Variants in ADAMTSL1 observed in about 807,000 individuals in gnomAD.
ADAMTSL1 encodes the protein ADAMTS-like protein 1.
A neutral mutation model predicts 201.8 loss-of-function variants in ADAMTSL1; 126 were observed. The observed-to-expected ratio is 0.62, with a 90% CI of 0.54 to 0.72. ADAMTSL1 has a LOEUF of 0.72. ADAMTSL1 is among the 30% of genes least tolerant of loss of function. The pLI, the probability that ADAMTSL1 is intolerant of heterozygous loss-of-function variation, is 0.00. For synonymous variants in ADAMTSL1, 1,121 were observed against 903.4 expected (o/e 1.24, Z -4.32); for missense variants, 2,679 against 2,277.8 (o/e 1.18, Z -3.59).
rs184191132 is a variant in ADAMTSL1 at position 18,846,617 on chromosome 9, C to T, written c.4249+16640C>T. 2.5e-3 allele frequency among the ~76,000 whole-genome samples: 386 copies of T among 152,190 alleles called. 2 individuals carry two copies. Among genetic ancestry groups the T allele is most frequent in the African/African-American group, 8.9e-3 (371 of 41,532 alleles). On this transcript the variant is annotated intron_variant, in intron 23 of 28. Coordinates refer to ENST00000380548, the MANE Select transcript of ADAMTSL1 (RefSeq NM_001040272.6). ...CAAGAGAGAGAGGTTGTCTAACTTG[C>T]GTTTTTAAAAGCTTATTCTGACTGG...
At chr9:18,008,201 G>A (rs1819909649) in intron 1 of ADAMTSL1, among the ~76,000 whole-genome samples, 1 of 151,908 alleles carries the variant, frequency 6.6e-6, no homozygotes, top group African/African-American at 2.4e-5. Flanking sequence ...TCAGAAAATA[G>A]GTCTACATGA....
chr9:18,292,865 T>C (rs1437369119), intron 2 of ADAMTSL1, among the ~76,000 whole-genome samples: 1 of 152,212 alleles, frequency 6.6e-6, no homozygotes, highest in Non-Finnish European at 1.5e-5. Flanking sequence ...TAACCTATCA[T>C]GGGATTACCT....
At chr9:18,040,132 G>A (rs1053482667) in intron 1 of ADAMTSL1, among the ~76,000 whole-genome samples, 1 of 152,108 alleles carries the variant, frequency 6.6e-6, no homozygotes, top group East Asian at 1.9e-4. Flanking sequence ...GCCAGGTTGA[G>A]TTCTACCATG....
At chr9:18,186,995 T>C in intron 2 of ADAMTSL1, among the ~76,000 whole-genome samples, 1 of 152,142 alleles carries the variant, frequency 6.6e-6, no homozygotes, top group East Asian at 1.9e-4. Flanking sequence ...CATGTCTAAC[T>C]CTGGAATACT....
intron 2 of ADAMTSL1, among the ~76,000 whole-genome samples, chr9:18,390,454 A>G (rs1837998085): frequency 6.6e-6 from 1 of 152,202 alleles, no homozygotes; most frequent in Admixed American, 6.5e-5. Flanking sequence ...ATTTGTTGGA[A>G]TGTCTTTCAG....
intron 23 of ADAMTSL1, among the ~76,000 whole-genome samples, chr9:18,835,403 C>G (rs1304273853): frequency 2.0e-5 from 3 of 152,008 alleles, no homozygotes; most frequent in Non-Finnish European, 4.4e-5. Flanking sequence ...AATACTTTGT[C>G]CCAGTCAGCA....
chr9:18,320,000 TG>T (rs746255651), intron 2 of ADAMTSL1, among the ~76,000 whole-genome samples: 1 of 151,970 alleles, frequency 6.6e-6, no homozygotes, highest in East Asian at 1.9e-4. Flanking sequence ...AGGTAGAGGA[TG>T]GGGGAGTTGC....
chr9:18,715,082 G>A (rs568490648), intron 14 of ADAMTSL1, among the ~76,000 whole-genome samples: 7,358 of 87,582 alleles, frequency 0.084, 521 homozygotes, highest in Middle Eastern at 0.2. Flanking sequence ...TTGATTGGAC[G>A]TATTTCAAAA....
chr9:17,999,380 C>A (rs10963388), intron 1 of ADAMTSL1, among the ~76,000 whole-genome samples: 8 of 151,714 alleles, frequency 5.3e-5, no homozygotes, highest in Middle Eastern at 3.4e-3. Context: ...ATGCTTCTCC[C>A]AGAATTATCC....
chr9:18,886,585 A>C (rs1187177107), intron 23 of ADAMTSL1, among the ~76,000 whole-genome samples: 1 of 152,176 alleles, frequency 6.6e-6, no homozygotes, highest in Non-Finnish European at 1.5e-5. Flanking sequence ...GTGCAGCCGC[A>C]GATTTGATAT....
At chr9:18,757,853 A>G (rs1819861862) in intron 16 of ADAMTSL1, among the ~76,000 whole-genome samples, 1 of 152,200 alleles carries the variant, frequency 6.6e-6, no homozygotes, top group Admixed American at 6.5e-5. Flanking sequence ...GGTGTTAGAA[A>G]GGTACATGCC....
At chr9:17,984,851 G>A (rs1818859140) in intron 1 of ADAMTSL1, among the ~76,000 whole-genome samples, 1 of 152,066 alleles carries the variant, frequency 6.6e-6, no homozygotes, top group Admixed American at 6.6e-5. Flanking sequence ...TTGGGGGCCT[G>A]GGTCAAAATC....
intron 2 of ADAMTSL1, among the ~76,000 whole-genome samples, chr9:18,371,968 A>G (rs10810961): frequency 0.094 from 14,373 of 152,294 alleles, 945 homozygotes; most frequent in East Asian, 0.27. Flanking sequence ...ATTCTAACAC[A>G]GGCAAAATAG....
At chr9:18,430,953 C>T (rs1368420957) in intron 2 of ADAMTSL1, among the ~76,000 whole-genome samples, 1 of 152,144 alleles carries the variant, frequency 6.6e-6, no homozygotes, top group Non-Finnish European at 1.5e-5. Flanking sequence ...GGTCATATGA[C>T]ATTTGGATAT....
chr9:18,378,130 A>T (rs963013378), intron 2 of ADAMTSL1, among the ~76,000 whole-genome samples: 4 of 152,112 alleles, frequency 2.6e-5, no homozygotes, highest in Admixed American at 1.3e-4. Flanking sequence ...AGGAATTAAG[A>T]TCGCTTTTGT....
Position 18,027,395 on chromosome 9 carries a change from G to A in ADAMTSL1, c.87+120473G>A, listed in dbSNP as rs1242429974. On this transcript the variant is annotated intron_variant, in intron 1 of 29. Coordinates refer to the ADAMTSL1 transcript ENST00000680146. ...AATGCTGCTTTTGCTGCATCCCAGAGATTTTGTATATTGTATCTCTGTTAT... is the reference window on the plus strand; with the variant it reads ...AATGCTGCTTTTGCTGCATCCCAGAAATTTTGTATATTGTATCTCTGTTAT... Among the ~76,000 whole-genome samples the A allele has an allele frequency of 2.0e-5, 3 of 151,476 alleles. No homozygotes were observed. In the East Asian group the frequency reaches 5.8e-4, roughly 29 times the overall value.
At chr9:18,120,964 A>G (rs1825470114) in intron 1 of ADAMTSL1, among the ~76,000 whole-genome samples, 1 of 152,110 alleles carries the variant, frequency 6.6e-6, no homozygotes, top group South Asian at 2.1e-4. Context: ...ACAGAAATAC[A>G]GTTTGGCCCC....
intron 14 of ADAMTSL1, among the ~76,000 whole-genome samples, chr9:18,711,309 G>C: frequency 6.6e-6 from 1 of 152,208 alleles, no homozygotes; most frequent in East Asian, 1.9e-4. Flanking sequence ...GAAGACGGGT[G>C]ATTTCTGCAT....
At chr9:18,563,585 G>C (rs955888381) in intron 3 of ADAMTSL1, among the ~76,000 whole-genome samples, 1 of 152,216 alleles carries the variant, frequency 6.6e-6, no homozygotes, top group African/African-American at 2.4e-5. Context: ...AGGCAGGAAC[G>C]TTTAAGTCTG....
Sources: gnomAD v4.1 joint callset for allele counts (sites outside exome capture counted in the v4.1 genomes callset) on GRCh38, gnomAD v4.1.1 for gene constraint, MANE v1.5 for transcripts, NCBI Gene and HGNC (gene_info 2026-07-23, HGNC 2026-07-21) for gene names.